NOTCH1: variants seen among roughly 807,000 people sequenced by gnomAD.
The protein encoded by NOTCH1 is notch receptor 1.
Under a neutral mutation model 254.8 loss-of-function variants are expected in NOTCH1, and 37 were observed. That is an observed-to-expected ratio of 0.15 (90% confidence interval 0.11 to 0.19). The LOEUF is 0.19. Ranked by LOEUF, NOTCH1 falls within the 10% of genes least tolerant of loss-of-function variation. The pLI, the probability that NOTCH1 is intolerant of heterozygous loss-of-function variation, is 1.00. For missense variants in NOTCH1, 2,972 were observed against 3,708.6 expected, an observed-to-expected ratio of 0.80 and a Z score of 5.16; for synonymous variants, 1,731 against 1,618.1, an observed-to-expected ratio of 1.07 and a Z score of -1.68.
chr9:136,519,343 A>G, intron 5 of NOTCH1, 100 bp downstream of exon 5: 2 of 1,533,072 alleles, frequency 1.3e-6, no homozygotes, highest in Non-Finnish European at 8.9e-7. Flanking sequence ...GGCCTGGGAC[A>G]GGGTCTCGGC....
chr9:136,515,959 G>A (rs558593808), intron 10 of NOTCH1, 22 bp downstream of exon 10: 58 of 1,583,044 alleles, frequency 3.7e-5, no homozygotes, highest in South Asian at 1.0e-4. Context: ...GTCCCTCCCC[G>A]CTGGTGGGCG....
intron 8 of NOTCH1, 120 bp from the exon 9 acceptor site, chr9:136,517,505 C>T: frequency 1.2e-6 from 1 of 842,390 alleles, no homozygotes; most frequent in Non-Finnish European, 1.9e-6. Flanking sequence ...CCACCACGGG[C>T]CCCCTGCGCA....
intron 2 of NOTCH1, among the ~76,000 whole-genome samples, chr9:136,525,574 G>T (rs7030068): frequency 6.6e-6 from 1 of 152,050 alleles, no homozygotes; most frequent in African/African-American, 2.4e-5. Context: ...CCCGCCTTCC[G>T]GAGCCCACCT....
At chr9:136,525,255 G>A (rs1388167993) in intron 2 of NOTCH1, among the ~76,000 whole-genome samples, 1 of 152,180 alleles carries the variant, frequency 6.6e-6, no homozygotes. Flanking sequence ...AACAAGGGGA[G>A]CCAGGGGAGG....
In NOTCH1 at chr9:136,541,207, G is replaced by A. The variant is rs111355259; in HGVS notation, c.140+2817C>T. ...CCAGGTGCTTTCTACCTGGCCACTG[G>A]CTGACCAGGCCACGGCGACACTCTG... On this transcript the variant is annotated intron_variant, in intron 2 of 33. Transcript: ENST00000651671. Among the ~76,000 whole-genome samples the A allele has an allele frequency of 6.5e-3, 995 of 152,240 alleles. 13 individuals are homozygous for A. Among genetic ancestry groups the A allele is most frequent in the African/African-American group, 0.023 (943 of 41,532 alleles).
chr9:136,507,879 G>T (rs1410605463), intron 21 of NOTCH1, 76 bp downstream of exon 21: 12 of 1,495,312 alleles, frequency 8.0e-6, no homozygotes, highest in African/African-American at 1.4e-5. Flanking sequence ...TCTCCACTGG[G>T]CCAGCTCCCA....
chr9:136,510,216 C>T (rs960436111), intron 17 of NOTCH1, among the ~76,000 whole-genome samples: 1 of 152,220 alleles, frequency 6.6e-6, no homozygotes, highest in African/African-American at 2.4e-5. Flanking sequence ...GCTTTGCAGG[C>T]TTCACAGACC....
At chr9:136,544,449 T>C (rs1469344280) in intron 1 of NOTCH1, among the ~76,000 whole-genome samples, 4 of 152,112 alleles carry the variant, frequency 2.6e-5, no homozygotes, top group Admixed American at 2.6e-4. Context: ...CTCCAAAGCG[T>C]TGCCCCCCAC....
intron 2 of NOTCH1, among the ~76,000 whole-genome samples, chr9:136,527,978 T>G (rs543866496): frequency 6.6e-6 from 1 of 152,184 alleles, no homozygotes; most frequent in African/African-American, 2.4e-5. Context: ...GAAATGCGAC[T>G]CCAGAAAGCA....
rs749696049 is a variant in NOTCH1 at position 136,518,741 on chromosome 9, C to T, written c.949G>A (p.Gly317Ser). ...TTGACACACACGCAGTTGTAGCCAC[C>T]GTGGGTGTTGTGGCAGGTCCCGCCG... is the stretch of plus-strand genomic sequence containing the variant. Reference protein sequence around the residue: ...QNGGTCHNTHGGYNCVCVNGW... With the variant: ...QNGGTCHNTHSGYNCVCVNGW... The change falls in exon 6 of 34, where the codon GGT becomes AGT. Residue 317 changes from glycine (G) to serine (S), a missense_variant. Gly to Ser is a moderately conservative substitution (Grantham distance 56, BLOSUM62 0). This residue lies in a region of NOTCH1 where 374 missense variants were observed against 496.3 expected (regional missense o/e 0.75). Coordinates refer to ENST00000651671, the MANE Select transcript of NOTCH1 (RefSeq NM_017617.5). The T allele has an allele frequency of 7.4e-6, 12 of 1,612,818 alleles. No homozygotes were observed. Among genetic ancestry groups the T allele is most frequent in the African/African-American group, 4.0e-5 (3 of 74,924 alleles).
rs2133331810 is a variant in NOTCH1, at chr9:136,502,474, G to C, written c.5182C>G (p.Pro1728Ala). ...IEAVQSETVE[P>A]PPPAQLHFMY... is the part of the protein sequence containing the mutation. ...AAGTGCAGCTGCGCCGGCGGGGGCG[G>C]CTCCACGGTCTCACCTGCGGGCACG... The change falls in exon 28 of 34, where the codon CCG becomes GCG. Residue 1728 changes from proline (P) to alanine (A), a missense_variant. By Grantham distance (27) the Pro-to-Ala change is conservative. This residue lies in a region of NOTCH1 where 421 missense variants were observed against 604.4 expected (regional missense o/e 0.70). Coordinates refer to ENST00000651671, the MANE Select transcript of NOTCH1 (RefSeq NM_017617.5). 1 of 1,574,176 alleles carries C rather than the reference G, an allele frequency of 6.4e-7. No homozygotes were observed. The highest frequency in any genetic ancestry group is 1.1e-5 in the South Asian group (1 of 88,270).
At position 136,515,607 on chromosome 9, in the gene NOTCH1, TG is replaced by T; in HGVS notation, c.1778del (p.Pro593GlnfsTer38). 1 of 1,609,330 alleles carries T rather than the reference TG, an allele frequency of 6.2e-7. No homozygotes were observed. On this transcript the variant is annotated frameshift_variant, in exon 11 of 34. Coordinates refer to ENST00000651671, the MANE Select transcript of NOTCH1 (RefSeq NM_017617.5). LOFTEE classifies it high-confidence loss of function. ...GVATFTCLCR[P>X]GYTGHHCETN... ...TCTCGCAGTGGTGGCCCGTGTAGCC[TG>T]GGCGGCAGAGGCAGGTGAAGGTGGC...
At chr9:136,527,034 C>T (rs879926435) in intron 2 of NOTCH1, among the ~76,000 whole-genome samples, 5 of 152,212 alleles carry the variant, frequency 3.3e-5, no homozygotes, top group Non-Finnish European at 7.3e-5. Context: ...CCGTGAGACG[C>T]GCTAGCTGGG....
At chr9:136,541,721 G>T (rs958672835) in intron 2 of NOTCH1, among the ~76,000 whole-genome samples, 1 of 152,350 alleles carries the variant, frequency 6.6e-6, no homozygotes, top group East Asian at 1.9e-4. Flanking sequence ...CTCCGAAGCG[G>T]CTGCAATGTC....
At position 136,495,506 on chromosome 9, in the gene NOTCH1, G is replaced by A. The variant is rs867183679; in HGVS notation, c.*565C>T. The stretch of plus-strand genomic sequence containing the variant: ...TTCAGATGCAAATTAATCCGCGTGC[G>A]GAAGGTGAGCCAGCTTTGCCTCCGT... On this transcript the variant is annotated 3_prime_UTR_variant, in exon 34 of 34. Transcript: ENST00000651671. 10 of 399,410 alleles carry A rather than the reference G, an allele frequency of 2.5e-5. No homozygotes were observed. Among genetic ancestry groups the A allele is most frequent in the Admixed American group, 4.4e-5 (1 of 22,810 alleles). The allele number at this position is 399,410 out of a possible 1,614,324, so 24.7% of individuals were successfully genotyped here.
At chr9:136,512,107 C>T (rs1384678344) in intron 15 of NOTCH1, among the ~76,000 whole-genome samples, 2 of 152,212 alleles carry the variant, frequency 1.3e-5, no homozygotes, top group African/African-American at 4.8e-5. Context: ...AGGAAGCGGG[C>T]AGATAGGAAG....
chr9:136,510,309 TG>T (rs1196364466), intron 17 of NOTCH1, among the ~76,000 whole-genome samples: 1 of 152,118 alleles, frequency 6.6e-6, no homozygotes, highest in Non-Finnish European at 1.5e-5. Flanking sequence ...CCTCAACCTC[TG>T]TGAAGCAGGG....
At chr9:136,516,212 C>T (rs1260443225) in intron 9 of NOTCH1, 118 bp from the exon 10 acceptor site, 8 of 740,344 alleles carry the variant, frequency 1.1e-5, no homozygotes, top group Admixed American at 4.1e-5. Context: ...CACACTCAGC[C>T]TGAGCTCAGC....
intron 4 of NOTCH1, 186 bp downstream of exon 4, chr9:136,522,664 C>T (rs778870697): frequency 1.1e-5 from 7 of 613,772 alleles, no homozygotes; most frequent in South Asian, 6.2e-5. Flanking sequence ...CTCCTCCCAG[C>T]GCACACCCCG....
Sources: gnomAD v4.1 joint callset for allele counts (sites outside exome capture counted in the v4.1 genomes callset) on GRCh38, gnomAD v4.1.1 for gene constraint, gnomAD v4.1.1 regional missense constraint, MANE v1.5 for transcripts, NCBI Gene and HGNC (gene_info 2026-07-23, HGNC 2026-07-21) for gene names.